The following NKAIN2 variants were observed in gnomAD, a reference collection of about 807,000 sequenced individuals.
NKAIN2 encodes the protein sodium/potassium-transporting ATPase subunit beta-1-interacting protein 2.
A neutral mutation model predicts 32.6 loss-of-function variants in NKAIN2; 14 were observed. The observed-to-expected ratio is 0.43, with a 90% CI of 0.28 to 0.67. The LOEUF is 0.67. Among genes scored for constraint, NKAIN2 ranks in the 30% least tolerant of loss-of-function variants. NKAIN2 has a pLI of 0.17. For missense variants in NKAIN2, 198 were observed against 258.3 expected (o/e 0.77, Z 1.60); for synonymous variants, 80 against 87.2 (o/e 0.92, Z 0.46).
intron 2 of NKAIN2, among the ~76,000 whole-genome samples, chr6:124,353,090 G>A (rs1280020253): frequency 2.0e-5 from 3 of 152,166 alleles, no homozygotes; most frequent in Admixed American, 6.5e-5. Context: ...GTCTGAGAGG[G>A]AAGAATGGGT....
chr6:124,048,423 G>A (rs2114826670), intron 1 of NKAIN2, among the ~76,000 whole-genome samples: 1 of 152,090 alleles, frequency 6.6e-6, no homozygotes, highest in South Asian at 2.1e-4. Context: ...GGAGAGCCCT[G>A]GAGATCACAT....
intron 2 of NKAIN2, among the ~76,000 whole-genome samples, chr6:124,327,254 G>A (rs1797453647): frequency 6.6e-6 from 1 of 152,042 alleles, no homozygotes; most frequent in Non-Finnish European, 1.5e-5. Context: ...AAACTACATA[G>A]CTACATCTCA....
intron 1 of NKAIN2, among the ~76,000 whole-genome samples, chr6:124,225,641 A>G (rs1227485168): frequency 2.0e-5 from 3 of 152,048 alleles, no homozygotes; most frequent in Non-Finnish European, 2.9e-5. Context: ...AAAATTAAAT[A>G]TGGAAAAATA....
At chr6:124,180,689 C>T (rs1789399067) in intron 1 of NKAIN2, among the ~76,000 whole-genome samples, 1 of 152,194 alleles carries the variant, frequency 6.6e-6, no homozygotes. Flanking sequence ...CAAGGCAAGT[C>T]CTTTCTACCT....
chr6:124,276,477 C>T (rs1795037447), intron 1 of NKAIN2, among the ~76,000 whole-genome samples: 1 of 152,038 alleles, frequency 6.6e-6, no homozygotes, highest in East Asian at 1.9e-4. Flanking sequence ...GCAGACTCAA[C>T]TTCAAGTTTA....
chr6:124,811,861 C>T (rs971855108), intron 5 of NKAIN2, among the ~76,000 whole-genome samples: 4 of 152,000 alleles, frequency 2.6e-5, no homozygotes, highest in African/African-American at 9.7e-5. Context: ...ATCAATTATA[C>T]CTCAGTATAG....
At chr6:123,878,158 G>A (rs147222028) in intron 1 of NKAIN2, among the ~76,000 whole-genome samples, 3,540 of 152,100 alleles carry the variant, frequency 0.023, 51 homozygotes, top group African/African-American at 0.039. Context: ...CCCGGGAGGC[G>A]GAGGTTGTGG....
chr6:124,044,732 A>G lies in NKAIN2; in HGVS notation c.55-238273A>G, dbSNP rs145277616. 8.5e-5 allele frequency among the ~76,000 whole-genome samples: 13 copies of G among 152,188 alleles called. No homozygotes were observed. The East Asian group carries it at 2.5e-3, about 29-fold the overall frequency. ...TGGTATTTTTGACCTTCTGCTTTGC[A>G]GGTCAATTGCTTTGGCAGACTACTA... On this transcript the variant is annotated intron_variant, in intron 1 of 6. Coordinates refer to ENST00000368417, the MANE Select transcript of NKAIN2 (RefSeq NM_001040214.3).
chr6:124,539,752 G>A (rs1030461751), intron 3 of NKAIN2, among the ~76,000 whole-genome samples: 1 of 152,018 alleles, frequency 6.6e-6, no homozygotes, highest in Non-Finnish European at 1.5e-5. Flanking sequence ...ACAGAGTCTC[G>A]CTTTGTTGCC....
chr6:124,520,360 C>T (rs546704883), intron 3 of NKAIN2, among the ~76,000 whole-genome samples: 2 of 152,166 alleles, frequency 1.3e-5, no homozygotes, highest in Non-Finnish European at 2.9e-5. Flanking sequence ...TAAACTTCTT[C>T]CCATTGGCTA....
chr6:124,042,439 AAT>A (rs1338882631), intron 1 of NKAIN2, among the ~76,000 whole-genome samples: 8 of 152,082 alleles, frequency 5.3e-5, no homozygotes, highest in Non-Finnish European at 8.8e-5. Flanking sequence ...AGGGCTTCCA[AAT>A]ATTATTGCAT....
intron 1 of NKAIN2, among the ~76,000 whole-genome samples, chr6:124,095,343 A>T (rs1582632597): frequency 6.6e-6 from 1 of 152,264 alleles, no homozygotes; most frequent in South Asian, 2.1e-4. Flanking sequence ...GTTACAGTTG[A>T]CCCCAAGTCC....
At chr6:124,638,144 C>G (rs1307374561) in intron 3 of NKAIN2, among the ~76,000 whole-genome samples, 2 of 152,026 alleles carry the variant, frequency 1.3e-5, no homozygotes, top group Non-Finnish European at 2.9e-5. Flanking sequence ...CCAAAGGTTC[C>G]AAGAACATAC....
intron 4 of NKAIN2, among the ~76,000 whole-genome samples, chr6:124,744,907 T>A (rs1457327242): frequency 6.6e-6 from 1 of 151,858 alleles, no homozygotes; most frequent in Admixed American, 6.6e-5. Flanking sequence ...AAAGTTCAAA[T>A]AGGTGAGATG....
intron 1 of NKAIN2, among the ~76,000 whole-genome samples, chr6:124,161,506 T>A (rs963907677): frequency 3.9e-5 from 6 of 152,126 alleles, no homozygotes; most frequent in Non-Finnish European, 8.8e-5. Flanking sequence ...CAAGCTGATT[T>A]TATCTTTTAA....
intron 1 of NKAIN2, among the ~76,000 whole-genome samples, chr6:123,826,847 T>G (rs1397565367): frequency 6.6e-6 from 1 of 152,162 alleles, no homozygotes; most frequent in Non-Finnish European, 1.5e-5. Context: ...TTAGTTCTTT[T>G]GGGTGTATAT....
chr6:123,913,055 C>T (rs1775302112), intron 1 of NKAIN2, among the ~76,000 whole-genome samples: 1 of 152,086 alleles, frequency 6.6e-6, no homozygotes, highest in African/African-American at 2.4e-5. Flanking sequence ...TAGTGCAGGC[C>T]AATATGCGTA....
rs531402243 is a variant in NKAIN2 at position 124,616,555 on chromosome 6, C to T, written c.274-41631C>T. Among the ~76,000 whole-genome samples the T allele has an allele frequency of 3.5e-5, 5 of 141,414 alleles. No homozygotes were observed. In the East Asian group the frequency reaches 1.1e-3, roughly 30 times the overall value. The allele number at this position is 141,414 out of a possible 152,430, so 92.8% of individuals were successfully genotyped here. On this transcript the variant is annotated intron_variant, in intron 3 of 6. Transcript: ENST00000368417. ...TCTCGGCTCACTGAAAGCTCCGCCT[C>T]CCAGGTTCACGCCATTCTCCTGCCT... is the stretch of plus-strand genomic sequence containing the variant.
At chr6:124,282,213 G>T in intron 1 of NKAIN2, 1 of 320,674 alleles carries the variant, frequency 3.1e-6, no homozygotes, top group Admixed American at 4.2e-5. Flanking sequence ...ATTTTTATAT[G>T]TCTTAATTAT....
Sources: allele counts gnomAD v4.1 joint callset (sites outside exome capture counted in the v4.1 genomes callset), GRCh38; gene constraint gnomAD v4.1.1; transcripts MANE v1.5; gene names NCBI Gene and HGNC (gene_info 2026-07-23, HGNC 2026-07-21).